The following TMEFF2 variants were observed in gnomAD, a reference collection of about 807,000 sequenced individuals.
The protein encoded by TMEFF2 is tomoregulin-2.
A neutral mutation model predicts 53.8 loss-of-function variants in TMEFF2; 28 were observed. The observed-to-expected ratio is 0.52, with a 90% CI of 0.39 to 0.71. The LOEUF is 0.71. TMEFF2 is among the 30% of genes least tolerant of loss of function. The pLI, the probability that TMEFF2 is intolerant of heterozygous loss-of-function variation, is 0.00. For missense variants in TMEFF2, 353 were observed against 455.2 expected (o/e 0.78, Z 2.04); for synonymous variants, 162 against 166.3 (o/e 0.97, Z 0.20).
chr2:192,081,424 T>G (rs1688550119), intron 4 of TMEFF2, among the ~76,000 whole-genome samples: 1 of 152,218 alleles, frequency 6.6e-6, no homozygotes, highest in Non-Finnish European at 1.5e-5. Context: ...GCCTTATTAA[T>G]TCTAATTTAA....
chr2:192,081,416 C>T (rs1470345483), intron 4 of TMEFF2, among the ~76,000 whole-genome samples: 1 of 152,068 alleles, frequency 6.6e-6, no homozygotes, highest in African/African-American at 2.4e-5. Context: ...TCTTTCCAGC[C>T]TTATTAATTC....
intron 4 of TMEFF2, among the ~76,000 whole-genome samples, chr2:192,101,656 C>T (rs1408008614): frequency 6.6e-6 from 1 of 152,144 alleles, no homozygotes; most frequent in Non-Finnish European, 1.5e-5. Context: ...GATAGGAACC[C>T]TGTGTTCTGA....
intron 4 of TMEFF2, among the ~76,000 whole-genome samples, chr2:192,065,609 T>C (rs994956799): frequency 1.3e-5 from 2 of 151,780 alleles, no homozygotes; most frequent in Non-Finnish European, 3.0e-5. Flanking sequence ...GTTTTTTTCT[T>C]AAATAGGTAA....
chr2:192,018,120 A>T (rs1342586700), intron 5 of TMEFF2, among the ~76,000 whole-genome samples: 2 of 152,294 alleles, frequency 1.3e-5, no homozygotes, highest in East Asian at 3.9e-4. Context: ...ATTTGATTCT[A>T]TGAGGATGAT....
chr2:192,152,241 A>G (rs750385931), intron 4 of TMEFF2, among the ~76,000 whole-genome samples: 1 of 151,914 alleles, frequency 6.6e-6, no homozygotes, highest in Non-Finnish European at 1.5e-5. Context: ...TGTATTGTAA[A>G]TATTATACTA....
chr2:192,030,346 C>T (rs1390973574), intron 5 of TMEFF2: 2 of 152,192 alleles, frequency 1.3e-5, no homozygotes, highest in African/African-American at 4.8e-5. Flanking sequence ...ATATGTGACA[C>T]AACCATGGTG....
chr2:192,179,261 T>G (rs1360847226), intron 4 of TMEFF2: 1 of 165,396 alleles, frequency 6.0e-6, no homozygotes, highest in Non-Finnish European at 1.3e-5. Context: ...GTAGGTTATG[T>G]ATGTCTTATT....
chr2:192,170,852 A>T (rs929506648), intron 4 of TMEFF2, among the ~76,000 whole-genome samples: 1 of 152,092 alleles, frequency 6.6e-6, no homozygotes, highest in Non-Finnish European at 1.5e-5. Context: ...TGCCAACATT[A>T]TTTAAACATA....
intron 4 of TMEFF2, among the ~76,000 whole-genome samples, chr2:192,094,791 C>T (rs1049262502): frequency 4.6e-5 from 7 of 152,148 alleles, no homozygotes; most frequent in Non-Finnish European, 7.3e-5. Flanking sequence ...CCTCTAGTAA[C>T]TGTTAAATTC....
At chr2:192,073,163 G>T (rs1242653653) in intron 4 of TMEFF2, among the ~76,000 whole-genome samples, 1 of 151,820 alleles carries the variant, frequency 6.6e-6, no homozygotes, top group African/African-American at 2.4e-5. Context: ...GCAAATAAAT[G>T]AAAAAAATAT....
At chr2:192,114,325 C>T (rs909124684) in intron 4 of TMEFF2, among the ~76,000 whole-genome samples, 3 of 151,308 alleles carry the variant, frequency 2.0e-5, no homozygotes, top group African/African-American at 4.8e-5. Flanking sequence ...TAAATTCTGA[C>T]AATATATTTG....
intron 5 of TMEFF2, among the ~76,000 whole-genome samples, chr2:192,053,488 C>T (rs1687823143): frequency 6.6e-6 from 1 of 152,158 alleles, no homozygotes; most frequent in Admixed American, 6.5e-5. Flanking sequence ...ACCTTAGTTT[C>T]AGTATTGTGG....
At chr2:192,187,004 C>G (rs1391630250) in intron 2 of TMEFF2, among the ~76,000 whole-genome samples, 1 of 152,066 alleles carries the variant, frequency 6.6e-6, no homozygotes, top group Non-Finnish European at 1.5e-5. Flanking sequence ...ATGCACAAGC[C>G]AAAAGGGAGA....
At chr2:192,123,922 G>C (rs1383951986) in intron 4 of TMEFF2, among the ~76,000 whole-genome samples, 8 of 152,192 alleles carry the variant, frequency 5.3e-5, no homozygotes, top group Non-Finnish European at 8.8e-5. Context: ...ATAAGAAAAT[G>C]TTTGAATTTT....
intron 4 of TMEFF2, among the ~76,000 whole-genome samples, chr2:192,113,882 A>G (rs752303663): frequency 4.6e-5 from 7 of 152,086 alleles, no homozygotes; most frequent in Non-Finnish European, 8.8e-5. Flanking sequence ...CATTGATGGC[A>G]ACTGAAGCTC....
At chr2:192,191,812 T>C (rs1691467112) in intron 2 of TMEFF2, 68 bp downstream of exon 2, 7 of 1,149,224 alleles carry the variant, frequency 6.1e-6, no homozygotes, top group Non-Finnish European at 9.0e-6. Flanking sequence ...AGTGATAGGC[T>C]GTAAAGGAAG....
At chr2:192,100,553 T>G (rs561494345) in intron 4 of TMEFF2, among the ~76,000 whole-genome samples, 1 of 152,112 alleles carries the variant, frequency 6.6e-6, no homozygotes, top group Admixed American at 6.6e-5. Context: ...AATTTGGTAA[T>G]TAAGTTATGG....
chr2:192,017,352 A>G (rs562985367), intron 5 of TMEFF2, among the ~76,000 whole-genome samples: 29 of 152,322 alleles, frequency 1.9e-4, no homozygotes, highest in African/African-American at 6.5e-4. Context: ...AGAATGACAG[A>G]GAGAGTTGCC....
intron 4 of TMEFF2, among the ~76,000 whole-genome samples, chr2:192,155,886 G>A (rs1260430234): frequency 1.3e-5 from 2 of 151,916 alleles, no homozygotes; most frequent in Admixed American, 6.6e-5. Context: ...GCTTAAAATA[G>A]CACAGAGGAA....
Sources: gnomAD v4.1 joint callset for allele counts (sites outside exome capture counted in the v4.1 genomes callset) on GRCh38, gnomAD v4.1.1 for gene constraint, MANE v1.5 for transcripts, NCBI Gene and HGNC (gene_info 2026-07-23, HGNC 2026-07-21) for gene names.